ACTR3: variants seen among roughly 807,000 people sequenced by gnomAD.
ACTR3 encodes actin related protein 3.
In ACTR3, 12 loss-of-function variants were observed where a neutral mutation model predicts 56.8. The ratio of observed to expected loss-of-function variants is 0.21; its 90% CI spans 0.14 to 0.34. ACTR3 has a LOEUF of 0.34. ACTR3 is among the 10% of genes least tolerant of loss of function. The pLI is 1.00. For synonymous variants in ACTR3, 162 were observed against 167.4 expected (o/e 0.97, Z 0.25); for missense variants, 282 against 512.5 (o/e 0.55, Z 4.34).
intron 2 of ACTR3, among the ~76,000 whole-genome samples, chr2:113,913,631 CCTCA>C (rs1368508232): frequency 5.3e-5 from 8 of 152,152 alleles, no homozygotes; most frequent in Admixed American, 6.5e-5. Flanking sequence ...CTGTTGACGT[CCTCA>C]CTAAGTGCCC....
intron 4 of ACTR3, among the ~76,000 whole-genome samples, chr2:113,929,290 G>A (rs1204226243): frequency 2.0e-5 from 3 of 151,936 alleles, no homozygotes; most frequent in Middle Eastern, 3.2e-3. Context: ...ACACAGGCCC[G>A]GGCCACCACA....
At chr2:113,923,813 C>T (rs1221698736) in intron 3 of ACTR3, among the ~76,000 whole-genome samples, 3 of 151,658 alleles carry the variant, frequency 2.0e-5, no homozygotes, top group East Asian at 1.9e-4. Context: ...TAGGTGATCT[C>T]CTCCATTCCT....
intron 1 of ACTR3, among the ~76,000 whole-genome samples, chr2:113,900,428 C>T (rs1679079420): frequency 6.6e-6 from 1 of 152,096 alleles, no homozygotes; most frequent in Non-Finnish European, 1.5e-5. Flanking sequence ...CAAGTGCTGA[C>T]TGCTGTAGTC....
intron 3 of ACTR3, among the ~76,000 whole-genome samples, chr2:113,926,169 C>G (rs1036956618): frequency 6.6e-6 from 1 of 152,098 alleles, no homozygotes; most frequent in Non-Finnish European, 1.5e-5. Flanking sequence ...ACCCTGATTT[C>G]TTGTTTTATA....
At chr2:113,926,534 G>A (rs540564496) in intron 3 of ACTR3, among the ~76,000 whole-genome samples, 65 of 152,254 alleles carry the variant, frequency 4.3e-4, no homozygotes, top group African/African-American at 1.6e-3. Context: ...AGATGAGTTG[G>A]CCACATCTGA....
intron 5 of ACTR3, 129 bp downstream of exon 5, chr2:113,931,525 T>G (rs1679723920): frequency 4.3e-6 from 2 of 460,154 alleles, no homozygotes; most frequent in Non-Finnish European, 7.6e-6. Flanking sequence ...GTTATACTTC[T>G]CTCCTGAATT....
At chr2:113,931,556 ATGGGAAGTGGAGATAT>A (rs1679724428) in intron 5 of ACTR3, among the ~76,000 whole-genome samples, 160 bp downstream of exon 5, 1 of 151,814 alleles carries the variant, frequency 6.6e-6, no homozygotes, top group African/African-American at 2.4e-5. Context: ...AAGTAATATT[ATGGGAAGTGGAGATAT>A]TTAGTCAGGA....
intron 8 of ACTR3, among the ~76,000 whole-genome samples, chr2:113,946,885 G>T (rs545948337): frequency 6.6e-6 from 1 of 152,324 alleles, no homozygotes; most frequent in East Asian, 1.9e-4. Flanking sequence ...ACCGAGGAGG[G>T]TGGGTCTCAT....
intron 7 of ACTR3, among the ~76,000 whole-genome samples, chr2:113,941,084 A>G (rs949751406): frequency 6.6e-6 from 1 of 152,070 alleles, no homozygotes; most frequent in Non-Finnish European, 1.5e-5. Flanking sequence ...AAAGTGCTGG[A>G]TGTGAGTCAC....
Position 113,940,546 on chromosome 2 carries a change from TAGA to T in ACTR3, c.684+449_684+451del, listed in dbSNP as rs1261906781. Among the ~76,000 whole-genome samples the T allele has an allele frequency of 2.0e-5, 3 of 152,122 alleles. No homozygotes were observed. In the East Asian group the frequency reaches 5.8e-4, roughly 29 times the overall value. ...TGCTTGGCTCAAGTGATAGGGCACA[TAGA>T]AGAAAAACATGAAGGCTATCTAAAG... On this transcript the variant is annotated intron_variant, in intron 7 of 11. Coordinates refer to ENST00000263238, the MANE Select transcript of ACTR3 (RefSeq NM_005721.5).
chr2:113,949,406 GA>G (rs915793162), intron 8 of ACTR3, among the ~76,000 whole-genome samples: 1 of 120,578 alleles, frequency 8.3e-6, no homozygotes, highest in Non-Finnish European at 1.6e-5. Context: ...AAAAAAAAAA[GA>G]AAAAATTGAC....
chr2:113,897,026 A>G (rs1679020231), intron 1 of ACTR3, among the ~76,000 whole-genome samples: 1 of 152,224 alleles, frequency 6.6e-6, no homozygotes, highest in Non-Finnish European at 1.5e-5. Context: ...AAGCATTTGA[A>G]TGCTCCCTTG....
chr2:113,898,843 TA>T (rs373826990), intron 1 of ACTR3, among the ~76,000 whole-genome samples: 42 of 152,318 alleles, frequency 2.8e-4, no homozygotes, highest in African/African-American at 9.1e-4. Flanking sequence ...TTTTGGATGT[TA>T]TTACCTTTTC....
chr2:113,961,997 T>C lies in ACTR3; in HGVS notation c.*4542T>C, dbSNP rs1242956837. ...TTTCATATTTCCAGTGCCTGACATATTGCTTGGCATATAGTAGTTTAGTGG... is the reference window on the plus strand; with the variant it reads ...TTTCATATTTCCAGTGCCTGACATACTGCTTGGCATATAGTAGTTTAGTGG... On this transcript the variant is annotated 3_prime_UTR_variant, in exon 12 of 12. Transcript: ENST00000263238. 1.3e-5 allele frequency: 2 copies of C among 152,020 alleles called. No homozygotes were observed. Among genetic ancestry groups the C allele is most frequent in the African/African-American group, 2.4e-5 (1 of 41,442 alleles). 9.4% of individuals were successfully genotyped at this position (152,020 alleles called of 1,614,324 possible).
At position 113,942,240 on chromosome 2, in the gene ACTR3, A is replaced by G. The variant is rs146696010; in HGVS notation, c.739A>G (p.Thr247Ala). Residue 247 changes from threonine to alanine, a missense_variant, in exon 8 of 12, where the codon ACA (threonine) becomes GCA (alanine). Transcript: ENST00000263238. ...DLVKEFNKYD[T>A]DGSKWIKQYT... ...AGTAAAAGAATTTAACAAGTATGAT[A>G]CAGATGGGTCAAAATGGATTAAACA... 5.0e-6 allele frequency: 8 copies of G among 1,604,086 alleles called. No homozygotes were observed. Among genetic ancestry groups the G allele is most frequent in the South Asian group, 1.1e-5 (1 of 89,158 alleles).
intron 1 of ACTR3, among the ~76,000 whole-genome samples, chr2:113,906,803 C>A (rs1433657638): frequency 6.6e-6 from 1 of 151,908 alleles, no homozygotes; most frequent in African/African-American, 2.4e-5. Flanking sequence ...TTCTGGGCTC[C>A]TGATTCTGTT....
chr2:113,951,627 C>T (rs1250568709), intron 9 of ACTR3, 56 bp downstream of exon 9: 3 of 1,532,616 alleles, frequency 2.0e-6, no homozygotes, highest in Non-Finnish European at 2.7e-6. Context: ...TTAAACACCT[C>T]TCATAAAAAG....
intron 3 of ACTR3, among the ~76,000 whole-genome samples, chr2:113,920,953 T>C (rs1034975491): frequency 3.3e-5 from 5 of 152,196 alleles, no homozygotes; most frequent in South Asian, 2.1e-4. Context: ...ATCTTTGATA[T>C]AGTAATTTAT....
chr2:113,901,510 A>G (rs1488242273), intron 1 of ACTR3, among the ~76,000 whole-genome samples: 1 of 152,248 alleles, frequency 6.6e-6, no homozygotes, highest in Non-Finnish European at 1.5e-5. Context: ...TTTGGTAATC[A>G]TATCTTACAT....
Sources: allele counts gnomAD v4.1 joint callset (sites outside exome capture counted in the v4.1 genomes callset), GRCh38; gene constraint gnomAD v4.1.1; transcripts MANE v1.5; gene names NCBI Gene and HGNC (gene_info 2026-07-23, HGNC 2026-07-21).